Variants in UBASH3A observed in about 807,000 individuals in gnomAD.
The protein encoded by UBASH3A is ubiquitin associated and SH3 domain containing A.
In UBASH3A, 63 loss-of-function variants were observed where a neutral mutation model predicts 73.5. The ratio of observed to expected loss-of-function variants is 0.86; its 90% CI spans 0.70 to 1.06. The LOEUF (loss-of-function observed/expected upper bound fraction) is 1.06, where lower values mean the gene tolerates loss of function less well. UBASH3A is among the 50% of genes least tolerant of loss of function. The probability of loss-of-function intolerance (pLI) is 0.00; values close to 1 mark genes in which losing one functional copy is unlikely to be tolerated. For missense variants in UBASH3A, 860 were observed against 859.0 expected (o/e 1.00, Z -0.02); for synonymous variants, 363 against 351.1 (o/e 1.03, Z -0.38).
At chr21:42,417,878 CTTTTTTTTTTTT>C (rs796939696) in intron 6 of UBASH3A, among the ~76,000 whole-genome samples, 1 of 90,634 alleles carries the variant, frequency 1.1e-5, no homozygotes, top group African/African-American at 4.4e-5. Flanking sequence ...TTCTTTTTTT[CTTTTTTTTTTTT>C]TTTTTTTTTT....
intron 7 of UBASH3A, among the ~76,000 whole-genome samples, chr21:42,424,576 G>T (rs746018708): frequency 1.3e-5 from 2 of 152,160 alleles, no homozygotes; most frequent in African/African-American, 4.8e-5. Context: ...GGGCTTGAGT[G>T]TGAGGGCTCG....
At chr21:42,418,292 C>T (rs1212617372) in intron 6 of UBASH3A, 109 bp from the exon 7 acceptor site, 2 of 907,160 alleles carry the variant, frequency 2.2e-6, no homozygotes, top group Non-Finnish European at 3.6e-6. Flanking sequence ...ACACAGAACA[C>T]ATTGGAGGGG....
chr21:42,444,031 G>A (rs1219871897), intron 13 of UBASH3A, among the ~76,000 whole-genome samples: 2 of 152,172 alleles, frequency 1.3e-5, no homozygotes, highest in Non-Finnish European at 2.9e-5. Context: ...CTTTGTCCTG[G>A]ATGAAGCATG....
chr21:42,442,727 G>A, intron 12 of UBASH3A, 131 bp downstream of exon 12: 3 of 999,844 alleles, frequency 3.0e-6, no homozygotes, highest in Non-Finnish European at 4.3e-6. Context: ...TTTGCAGCAG[G>A]GGAGAGAGGT....
intron 10 of UBASH3A, among the ~76,000 whole-genome samples, chr21:42,435,836 T>TTTATAGAGTTATAGAGTTAG (rs2053616254): frequency 6.6e-6 from 1 of 150,586 alleles, no homozygotes; most frequent in Non-Finnish European, 1.5e-5. Context: ...GAGTCATAGA[T>TTTATAGAGTTATAGAGTTAG]TTATAGAGTT....
intron 1 of UBASH3A, among the ~76,000 whole-genome samples, chr21:42,405,281 T>G (rs1036295508): frequency 2.0e-5 from 3 of 152,106 alleles, no homozygotes; most frequent in Non-Finnish European, 4.4e-5. Flanking sequence ...ACAAGGCAGC[T>G]TTTGTCCACT....
At chr21:42,434,757 G>T in intron 9 of UBASH3A, 75 bp from the exon 10 acceptor site, 1 of 1,501,892 alleles carries the variant, frequency 6.7e-7, no homozygotes, top group Non-Finnish European at 9.0e-7. Flanking sequence ...AGTGGGTCTT[G>T]GTCTTGGGAG....
intron 11 of UBASH3A, among the ~76,000 whole-genome samples, chr21:42,441,704 G>C (rs1291640790): frequency 6.6e-6 from 1 of 151,836 alleles, no homozygotes; most frequent in African/African-American, 2.4e-5. Context: ...TGATTGGGGA[G>C]AACTTGGGGG....
Position 42,404,054 on chromosome 21 carries a change from A to C in UBASH3A, c.109A>C (p.Thr37Pro). Residue 37 changes from threonine to proline, a missense_variant, in exon 1 of 15, where the codon ACC (threonine) becomes CCC (proline). Transcript: ENST00000319294. ...PLLAMGFPVHTALKALAATGR... is the reference protein window; with the variant it reads ...PLLAMGFPVHPALKALAATGR... Reference sequence around the variant, plus strand: ...CCTGGCCATGGGCTTCCCGGTGCACACCGCGTGAGTACTGCCCAGAGACCC... The same window carrying C: ...CCTGGCCATGGGCTTCCCGGTGCACCCCGCGTGAGTACTGCCCAGAGACCC... The C allele has an allele frequency of 6.6e-7, 1 of 1,511,428 alleles. No individual in the cohort carries two copies. Among genetic ancestry groups the C allele is most frequent in the Non-Finnish European group, 8.9e-7 (1 of 1,123,464 alleles). The allele number at this position is 1,511,428 out of a possible 1,614,324, so 93.6% of individuals were successfully genotyped here. A position where few individuals can be genotyped will look rare whatever the true frequency, so the allele number is the denominator to read the frequency against.
intron 5 of UBASH3A, among the ~76,000 whole-genome samples, chr21:42,415,205 C>T (rs141192306): frequency 9.6e-4 from 147 of 152,372 alleles, no homozygotes; most frequent in African/African-American, 3.2e-3. Context: ...GTTCAGAAGT[C>T]GGTGTGACTC....
intron 8 of UBASH3A, among the ~76,000 whole-genome samples, chr21:42,431,106 A>AGG (rs113885917): frequency 6.6e-6 from 1 of 152,120 alleles, no homozygotes; most frequent in African/African-American, 2.4e-5. Context: ...CTCTGGTCCC[A>AGG]GGGGGGGCAT....
rs138697754 is a variant in UBASH3A at position 42,414,162 on chromosome 21, C to T, written c.667+639C>T. ...TGCCGACTCTAAAATCTGACGAGGC[C>T]GCAGTGCCTTGGTGGGAGGGCTCCC... is the stretch of plus-strand genomic sequence containing the variant. On this transcript the variant is annotated intron_variant, in intron 5 of 14. Coordinates refer to ENST00000319294, the MANE Select transcript of UBASH3A (RefSeq NM_018961.4). Among the ~76,000 whole-genome samples, 19 of 152,268 alleles carry T rather than the reference C, an allele frequency of 1.2e-4. 1 individual carries two copies. The East Asian group carries it at 3.7e-3, about 29-fold the overall frequency.
At chr21:42,404,081 G>A (rs369004803) in intron 1 of UBASH3A, 23 bp downstream of exon 1, 67 of 1,365,462 alleles carry the variant, frequency 4.9e-5, no homozygotes, top group South Asian at 6.5e-5. Context: ...CAGAGACCCC[G>A]GGGCCCAGCC....
chr21:42,430,320 G>A (rs1290644267), intron 8 of UBASH3A, among the ~76,000 whole-genome samples: 1 of 152,198 alleles, frequency 6.6e-6, no homozygotes, highest in Non-Finnish European at 1.5e-5. Flanking sequence ...TCCTCCCTGA[G>A]GGTGTTTGGA....
chr21:42,404,331 A>C, intron 1 of UBASH3A: 1 of 315,652 alleles, frequency 3.2e-6, no homozygotes, highest in Non-Finnish European at 5.8e-6. Context: ...GCCCTGTTCA[A>C]TTTGTGTTGG....
In UBASH3A at chr21:42,443,307, T is replaced by G; in HGVS notation, c.1632-5T>G. 6.2e-7 allele frequency: 1 copy of G among 1,611,600 alleles called. No individual in the cohort carries two copies. ...GGCAGCAGCCTCTCCTTCTCATCCT[T>G]CCAGGCCCGCGTTTCCCCTGTCCGC... On this transcript the variant is annotated splice_polypyrimidine_tract_variant and splice_region_variant and intron_variant, in intron 12 of 14. Coordinates refer to ENST00000319294, the MANE Select transcript of UBASH3A (RefSeq NM_018961.4).
chr21:42,406,411 T>G, intron 2 of UBASH3A, 50 bp downstream of exon 2: 1 of 1,509,518 alleles, frequency 6.6e-7, no homozygotes, highest in East Asian at 2.3e-5. Context: ...CTGAATTCCC[T>G]GTGCCTAAGG....
At chr21:42,435,683 G>GAGT (rs1341181775) in intron 10 of UBASH3A, among the ~76,000 whole-genome samples, 5 of 152,128 alleles carry the variant, frequency 3.3e-5, no homozygotes, top group African/African-American at 1.2e-4. Context: ...TGGAGTTATA[G>GAGT]AGTTATAGAG....
rs111317619 is a variant in UBASH3A at position 42,432,331 on chromosome 21, C to T, written c.1270+129C>T. 975 of 593,518 alleles carry T rather than the reference C, an allele frequency of 1.6e-3. 6 individuals are homozygous for T. The African/African-American group carries it at 0.017, about 11-fold the overall frequency. The allele number at this position is 593,518 out of a possible 1,614,324, so 36.8% of individuals were successfully genotyped here. On this transcript the variant is annotated intron_variant, in intron 9 of 14. Coordinates refer to ENST00000319294, the MANE Select transcript of UBASH3A (RefSeq NM_018961.4). ...ATTCTGTAGAATGACCATGTGTAGACTGTATGTGTGGAAAACGTGCCTGCT... is the reference window on the plus strand; with the variant it reads ...ATTCTGTAGAATGACCATGTGTAGATTGTATGTGTGGAAAACGTGCCTGCT...
Sources: gnomAD v4.1 joint callset for allele counts (sites outside exome capture counted in the v4.1 genomes callset) on GRCh38, gnomAD v4.1.1 for gene constraint, MANE v1.5 for transcripts, NCBI Gene and HGNC (gene_info 2026-07-23, HGNC 2026-07-21) for gene names.